Variants in FSTL5 observed in about 807,000 individuals in gnomAD.
The protein encoded by FSTL5 is follistatin-related protein 5.
Under a neutral mutation model 89.1 loss-of-function variants are expected in FSTL5, and 62 were observed. That is an observed-to-expected ratio of 0.70 (90% CI 0.57 to 0.86). The LOEUF is 0.86. Among genes scored for constraint, FSTL5 ranks in the 40% least tolerant of loss-of-function variants. The pLI is 0.00. For missense variants in FSTL5, 1,057 were observed against 1,001.6 expected (o/e 1.06, Z -0.75); for synonymous variants, 383 against 346.2 (o/e 1.11, Z -1.18).
chr4:162,095,005 G>T (rs1730695627), intron 2 of FSTL5, among the ~76,000 whole-genome samples: 1 of 151,810 alleles, frequency 6.6e-6, no homozygotes, highest in African/African-American at 2.4e-5. Flanking sequence ...TTTCAAAAAT[G>T]GCTTTTCATA....
intron 2 of FSTL5, among the ~76,000 whole-genome samples, chr4:162,093,827 T>C (rs934252273): frequency 6.6e-6 from 1 of 152,164 alleles, no homozygotes; most frequent in African/African-American, 2.4e-5. Flanking sequence ...ATTCGCATTT[T>C]ATAAACCATT....
At chr4:161,466,307 G>A (rs1313881660) in intron 13 of FSTL5, among the ~76,000 whole-genome samples, 1 of 152,092 alleles carries the variant, frequency 6.6e-6, no homozygotes, top group Non-Finnish European at 1.5e-5. Context: ...ATACAACAAA[G>A]TTAAAACACA....
chr4:161,814,059 C>T (rs939009642), intron 4 of FSTL5, among the ~76,000 whole-genome samples: 1 of 150,414 alleles, frequency 6.6e-6, no homozygotes, highest in Admixed American at 6.6e-5. Flanking sequence ...AATGCAAATG[C>T]CATTAAAAAA....
At chr4:162,148,773 T>G (rs1733104964) in intron 1 of FSTL5, among the ~76,000 whole-genome samples, 3 of 152,144 alleles carry the variant, frequency 2.0e-5, no homozygotes, top group Non-Finnish European at 4.4e-5. Context: ...ATTTTCTGAG[T>G]CAGGCATTAT....
intron 4 of FSTL5, among the ~76,000 whole-genome samples, chr4:161,837,433 A>G (rs1387198950): frequency 4.6e-5 from 7 of 152,166 alleles, no homozygotes; most frequent in Non-Finnish European, 1.0e-4. Flanking sequence ...TATGCCTATT[A>G]TATTTGGTAA....
At chr4:162,095,604 A>G (rs963506507) in intron 2 of FSTL5, among the ~76,000 whole-genome samples, 3 of 152,166 alleles carry the variant, frequency 2.0e-5, no homozygotes, top group Middle Eastern at 3.4e-3. Context: ...AAGCAGAAAA[A>G]TGGGTTTTTA....
chr4:161,732,352 C>G (rs978556223), intron 6 of FSTL5, among the ~76,000 whole-genome samples: 3 of 150,762 alleles, frequency 2.0e-5, no homozygotes, highest in Non-Finnish European at 3.0e-5. Context: ...GTTTTTGTTC[C>G]CCTGTTATTG....
At chr4:161,648,277 C>T (rs754637868) in intron 7 of FSTL5, among the ~76,000 whole-genome samples, 12 of 152,162 alleles carry the variant, frequency 7.9e-5, no homozygotes, top group Admixed American at 2.6e-4. Context: ...CCCTGTAACA[C>T]ATGGCTACGG....
At chr4:161,846,083 TTG>T (rs1160803866) in intron 4 of FSTL5, among the ~76,000 whole-genome samples, 2 of 151,762 alleles carry the variant, frequency 1.3e-5, no homozygotes, top group Non-Finnish European at 1.5e-5. Flanking sequence ...GTGTGTGTAT[TTG>T]TGTGTGTGTT....
At chr4:161,531,944 C>T (rs1731424486) in intron 10 of FSTL5, among the ~76,000 whole-genome samples, 1 of 152,082 alleles carries the variant, frequency 6.6e-6, no homozygotes, top group Non-Finnish European at 1.5e-5. Context: ...GTGGCTCACG[C>T]CTATAATCCC....
chr4:161,851,912 CAT>C (rs1491077048), intron 4 of FSTL5, among the ~76,000 whole-genome samples: 5 of 151,692 alleles, frequency 3.3e-5, no homozygotes, highest in Non-Finnish European at 1.5e-5. Context: ...CACACACACA[CAT>C]ACACACACAA....
intron 4 of FSTL5, among the ~76,000 whole-genome samples, chr4:161,789,559 A>T (rs1263770665): frequency 6.6e-6 from 1 of 152,174 alleles, no homozygotes; most frequent in Non-Finnish European, 1.5e-5. Context: ...TCATTACCAC[A>T]ATTATTTTTT....
chr4:161,588,764 G>A (rs1733705416), intron 7 of FSTL5, among the ~76,000 whole-genome samples: 1 of 152,110 alleles, frequency 6.6e-6, no homozygotes, highest in Admixed American at 6.6e-5. Flanking sequence ...ACAGCTGCAT[G>A]GTGGCCTTGA....
At chr4:162,056,793 T>C (rs28438527) in intron 2 of FSTL5, among the ~76,000 whole-genome samples, 36,679 of 152,138 alleles carry the variant, frequency 0.24, 5,132 homozygotes, top group Non-Finnish European at 0.32. Context: ...TTTTATTTCT[T>C]ACTTTTCTAT....
chr4:161,506,754 T>C (rs562527379), intron 11 of FSTL5, among the ~76,000 whole-genome samples: 1 of 152,306 alleles, frequency 6.6e-6, no homozygotes, highest in Admixed American at 6.5e-5. Flanking sequence ...TGGATGACAT[T>C]GGAAACCTTG....
intron 4 of FSTL5, among the ~76,000 whole-genome samples, chr4:161,892,604 TGAA>T (rs1480951075): frequency 6.6e-6 from 1 of 152,048 alleles, no homozygotes; most frequent in Non-Finnish European, 1.5e-5. Flanking sequence ...TTTTCAAACT[TGAA>T]GAATCAACTC....
intron 5 of FSTL5, among the ~76,000 whole-genome samples, chr4:161,761,481 TAATG>T (rs1258155091): frequency 5.3e-5 from 8 of 152,242 alleles, no homozygotes; most frequent in Non-Finnish European, 1.0e-4. Flanking sequence ...TCAGACATTT[TAATG>T]ACTTTTAGTC....
chr4:161,604,383 T>A (rs1027514371), intron 7 of FSTL5, among the ~76,000 whole-genome samples: 9 of 151,984 alleles, frequency 5.9e-5, no homozygotes, highest in African/African-American at 2.2e-4. Context: ...AACTTGAACA[T>A]AAAAATTTTA....
At chr4:161,871,779 T>TTTGAATTCCCTGCCCAAAGTCACA in intron 4 of FSTL5, among the ~76,000 whole-genome samples, 1 of 152,108 alleles carries the variant, frequency 6.6e-6, no homozygotes, top group Non-Finnish European at 1.5e-5. Flanking sequence ...CAGATTTGAA[T>TTTGAATTCCCTGCCCAAAGTCACA]CATAGCTCCT....
Sources: gnomAD v4.1 joint callset for allele counts (sites outside exome capture counted in the v4.1 genomes callset) on GRCh38, gnomAD v4.1.1 for gene constraint, MANE v1.5 for transcripts, NCBI Gene and HGNC (gene_info 2026-07-23, HGNC 2026-07-21) for gene names.